Variants in BCR observed in about 807,000 individuals in gnomAD.
BCR encodes breakpoint cluster region protein.
In BCR, 58 loss-of-function variants were observed where a neutral mutation model predicts 138.6. The observed-to-expected ratio is 0.42, with a 90% CI of 0.34 to 0.52. The LOEUF (loss-of-function observed/expected upper bound fraction) is 0.52. Ranked by LOEUF, BCR falls within the 20% of genes least tolerant of loss-of-function variation. The pLI, the probability that BCR is intolerant of heterozygous loss-of-function variation, is 0.06. For missense variants in BCR, 1,599 were observed against 1,727.2 expected (o/e 0.93, Z 1.32); for synonymous variants, 786 against 730.1 (o/e 1.08, Z -1.23).
chr22:23,311,646 A>G (rs1461039667), intron 18 of BCR, 51 bp from the exon 19 acceptor site: 4 of 1,486,004 alleles, frequency 2.7e-6, no homozygotes, highest in South Asian at 2.3e-5. Flanking sequence ...CTCCTGTGTT[A>G]TGGCCCAAGC....
chr22:23,185,665 C>CA, intron 1 of BCR, among the ~76,000 whole-genome samples: 1 of 150,032 alleles, frequency 6.7e-6, no homozygotes, highest in Non-Finnish European at 1.5e-5. Flanking sequence ...GACACAGTCT[C>CA]AAAAAACAAA....
At position 23,263,234 on chromosome 22, in the gene BCR, G is replaced by A. The variant is rs12485011; in HGVS notation, c.1752+1694G>A. 5.2e-3 allele frequency: 5,306 copies of A among 1,019,386 alleles called. 290 individuals are homozygous for A. In the Admixed American group the frequency reaches 0.1, roughly 20 times the overall value. The allele number at this position is 1,019,386 out of a possible 1,614,324, so 63.1% of individuals were successfully genotyped here. A position where few individuals can be genotyped will look rare whatever the true frequency, so the allele number is the denominator to read the frequency against. ...CGCTCTGGCGCCTGCCGGAAGTGCT[G>A]CTGCTGCACATGTGCTCCTACCTCG... On this transcript the variant is annotated intron_variant, in intron 4 of 22. Coordinates refer to ENST00000305877, the MANE Select transcript of BCR (RefSeq NM_004327.4).
intron 16 of BCR, among the ~76,000 whole-genome samples, chr22:23,297,693 T>G (rs2073861783): frequency 6.6e-6 from 1 of 152,012 alleles, no homozygotes; most frequent in Non-Finnish European, 1.5e-5. Flanking sequence ...TCAAACCAGG[T>G]AAAGGGAGGT....
At chr22:23,239,886 A>G (rs1420114932) in intron 1 of BCR, among the ~76,000 whole-genome samples, 2 of 151,634 alleles carry the variant, frequency 1.3e-5, no homozygotes, top group Non-Finnish European at 2.9e-5. Flanking sequence ...TGGCGCAGTC[A>G]TAGCTCACTG....
chr22:23,249,582 C>T (rs74404996), intron 1 of BCR, among the ~76,000 whole-genome samples: 1,912 of 152,066 alleles, frequency 0.013, 43 homozygotes, highest in African/African-American at 0.044. Context: ...AAGATCATGT[C>T]GCTGAAAATA....
intron 2 of BCR, among the ~76,000 whole-genome samples, chr22:23,259,487 C>T (rs2073332571): frequency 6.6e-6 from 1 of 151,490 alleles, no homozygotes; most frequent in Admixed American, 6.6e-5. Flanking sequence ...GGCAACATGA[C>T]AAGACCTTGT....
chr22:23,222,020 G>A (rs1342633994), intron 1 of BCR, among the ~76,000 whole-genome samples: 1 of 152,152 alleles, frequency 6.6e-6, no homozygotes, highest in East Asian at 1.9e-4. Context: ...GAACCCAGGA[G>A]GCGGAGGTTG....
chr22:23,275,102 C>T (rs1025304983), intron 8 of BCR, among the ~76,000 whole-genome samples: 4 of 152,170 alleles, frequency 2.6e-5, no homozygotes, highest in Admixed American at 2.6e-4. Context: ...CCCCATCTGC[C>T]ACACACCACT....
At chr22:23,227,571 T>C (rs1016242719) in intron 1 of BCR, among the ~76,000 whole-genome samples, 1 of 152,354 alleles carries the variant, frequency 6.6e-6, no homozygotes, top group South Asian at 2.1e-4. Flanking sequence ...GAAACATTTG[T>C]AAGTCTATTT....
intron 6 of BCR, among the ~76,000 whole-genome samples, chr22:23,272,299 T>TG (rs1265378279): frequency 3.9e-5 from 6 of 152,324 alleles, no homozygotes; most frequent in South Asian, 4.1e-4. Context: ...TAGTTACACT[T>TG]GCAAAGAACA....
In BCR at chr22:23,284,003, C is replaced by A; in HGVS notation, c.2142C>A (p.Phe714Leu). Residue 714 changes from phenylalanine (F) to leucine (L), a missense_variant, in exon 9 of 23, where the codon TTC becomes TTA. Physicochemically the swap from Phe to Leu is conservative, Grantham distance 22 (BLOSUM62 0). Transcript: ENST00000305877. ...ACCGGCAGCTGCTGAAGGACAGCTTCATGGTGGAGCTGGTGGAGGGGGCCC... is the reference window on the plus strand; with the variant it reads ...ACCGGCAGCTGCTGAAGGACAGCTTAATGGTGGAGCTGGTGGAGGGGGCCC... Reference protein sequence around the residue: ...GEHRQLLKDSFMVELVEGARK... With the variant: ...GEHRQLLKDSLMVELVEGARK... 4 of 1,601,462 alleles carry A rather than the reference C, an allele frequency of 2.5e-6. No individual in the cohort carries two copies. The highest frequency in any genetic ancestry group is 3.4e-6 in the Non-Finnish European group (4 of 1,174,186).
chr22:23,278,168 C>T (rs1397574005), intron 8 of BCR, among the ~76,000 whole-genome samples: 1 of 152,256 alleles, frequency 6.6e-6, no homozygotes, highest in South Asian at 2.1e-4. Context: ...CTGCTCAGCA[C>T]CCCCTCCGCC....
Position 23,211,066 on chromosome 22 carries a change from C to A in BCR, c.1279+28827C>A, listed in dbSNP as rs528325963. Among the ~76,000 whole-genome samples, 335 of 152,320 alleles carry A rather than the reference C, an allele frequency of 2.2e-3. 2 individuals carry two copies. The highest frequency in any genetic ancestry group is 7.7e-3 in the African/African-American group (318 of 41,556). On this transcript the variant is annotated intron_variant, in intron 1 of 22. Transcript: ENST00000305877. ...ACCTATTAGCACTCTCTCCCCATCCCCTTCTTCTGTTAGTCCTGGCAACCA... is the reference window on the plus strand; with the variant it reads ...ACCTATTAGCACTCTCTCCCCATCCACTTCTTCTGTTAGTCCTGGCAACCA...
At chr22:23,209,498 C>T (rs1461412019) in intron 1 of BCR, among the ~76,000 whole-genome samples, 1 of 152,098 alleles carries the variant, frequency 6.6e-6, no homozygotes, top group Non-Finnish European at 1.5e-5. Flanking sequence ...TTGGCAGGAA[C>T]ATGGGTGTAC....
At chr22:23,237,787 C>T (rs546920539) in intron 1 of BCR, among the ~76,000 whole-genome samples, 1 of 152,366 alleles carries the variant, frequency 6.6e-6, no homozygotes, top group African/African-American at 2.4e-5. Flanking sequence ...ATGCTAGGGT[C>T]ACCCGCTGAC....
At position 23,314,598 on chromosome 22, in the gene BCR, G is replaced by T. The variant is rs2074047450; in HGVS notation, c.3610G>T (p.Ala1204Ser). The change falls in exon 22 of 23, where the codon GCC becomes TCC. Residue 1204 changes from alanine to serine, a missense_variant. By Grantham distance (99) the Ala-to-Ser change is moderately conservative. This residue lies in a region of BCR where 177 missense variants were observed against 226.4 expected (regional missense o/e 0.78). Transcript: ENST00000305877. ...CAATAAGATGTCCCTGCACAACCTC[G>T]CCACGGTCTTTGGCCCCACGCTGCT... Reference protein sequence around the residue: ...AVNKMSLHNLATVFGPTLLRP... With the variant: ...AVNKMSLHNLSTVFGPTLLRP... The T allele has an allele frequency of 6.2e-7, 1 of 1,611,796 alleles. No individual in the cohort carries two copies. Among genetic ancestry groups the T allele is most frequent in the Non-Finnish European group, 8.5e-7 (1 of 1,179,840 alleles).
chr22:23,312,807 G>T (rs1448980781), intron 19 of BCR, 80 bp from the exon 20 acceptor site: 1 of 1,564,772 alleles, frequency 6.4e-7, no homozygotes, highest in East Asian at 2.2e-5. Context: ...GGCAGGGACA[G>T]TGCTTTAGCC....
intron 5 of BCR, among the ~76,000 whole-genome samples, chr22:23,269,589 G>A (rs1458280765): frequency 6.6e-6 from 1 of 152,196 alleles, no homozygotes; most frequent in Non-Finnish European, 1.5e-5. Context: ...AGTACCTGCC[G>A]CTCTGTTCTT....
chr22:23,199,452 CG>C, intron 1 of BCR: 1 of 394,710 alleles, frequency 2.5e-6, no homozygotes, highest in Admixed American at 2.9e-5. Context: ...GATGGGCTGG[CG>C]GGCTGGGAGA....
Sources: allele counts gnomAD v4.1 joint callset (sites outside exome capture counted in the v4.1 genomes callset), GRCh38; gene constraint gnomAD v4.1.1; regional missense constraint gnomAD v4.1.1; transcripts MANE v1.5; gene names NCBI Gene and HGNC (gene_info 2026-07-23, HGNC 2026-07-21).